NUDCD1: variants seen among roughly 807,000 people sequenced by gnomAD.
NUDCD1 encodes the protein nudC domain-containing protein 1.
A neutral mutation model predicts 67.8 loss-of-function variants in NUDCD1; 60 were observed. The observed-to-expected ratio is 0.88, with a 90% CI of 0.72 to 1.10. NUDCD1 has a LOEUF of 1.10. NUDCD1 is among the 50% of genes least tolerant of loss of function. NUDCD1 has a pLI of 0.00. For missense variants in NUDCD1, 643 were observed against 695.0 expected (o/e 0.93, Z 0.84); for synonymous variants, 244 against 230.8 (o/e 1.06, Z -0.52).
At chr8:109,307,283 T>C (rs967486139) in intron 2 of NUDCD1, among the ~76,000 whole-genome samples, 1 of 152,254 alleles carries the variant, frequency 6.6e-6, no homozygotes, top group Non-Finnish European at 1.5e-5. Flanking sequence ...ATATTCTCTA[T>C]GCCCTTAAGA....
chr8:109,285,544 A>C (rs2130000772), intron 5 of NUDCD1, among the ~76,000 whole-genome samples: 1 of 152,328 alleles, frequency 6.6e-6, no homozygotes, highest in Middle Eastern at 3.4e-3. Flanking sequence ...CTACATAAAC[A>C]GAATTAAAAA....
chr8:109,243,078 T>C lies in NUDCD1; in HGVS notation c.1683A>G (p.Ala561=), dbSNP rs1215267608. The change falls in exon 10 of 10, where the codon GCA becomes GCG. Residue 561 remains alanine (A), a synonymous_variant. Coordinates refer to ENST00000239690, the MANE Select transcript of NUDCD1 (RefSeq NM_032869.4). ...ETNDPILGFQ[A]TNERLFVLTT... is the part of the protein sequence containing the mutation. ...TAAGAACAAATAATCTCTCATTTGT[T>C]GCCTGAAATCCTAAAATAGGATCAT... 8.7e-6 allele frequency: 14 copies of C among 1,612,348 alleles called. No homozygotes were observed. The highest frequency in any genetic ancestry group is 1.2e-5 in the Non-Finnish European group (14 of 1,178,414).
chr8:109,263,517 G>A lies in NUDCD1; in HGVS notation c.1299+7488C>T, dbSNP rs138996225. 1.2e-3 allele frequency among the ~76,000 whole-genome samples: 180 copies of A among 152,314 alleles called. 1 individual carries two copies. Among genetic ancestry groups the A allele is most frequent in the African/African-American group, 4.1e-3 (169 of 41,578 alleles). ...AAAGACTCCAATCCAGTAATTTCCT[G>A]TCTCCTACCAGAATCCATTAAACTG... On this transcript the variant is annotated intron_variant, in intron 8 of 9. Coordinates refer to ENST00000239690, the MANE Select transcript of NUDCD1 (RefSeq NM_032869.4).
rs1181912276 is a variant in NUDCD1, at chr8:109,242,693, A to C, written c.*316T>G. On this transcript the variant is annotated 3_prime_UTR_variant, in exon 10 of 10. Transcript: ENST00000239690. ...AACAGAGTACACAATAAATATTTTT[A>C]TTTTTAAACACTGAATTGTACATCT... The C allele has an allele frequency of 5.3e-6, 1 of 187,582 alleles. No homozygotes were observed. Among genetic ancestry groups the C allele is most frequent in the Non-Finnish European group, 1.1e-5 (1 of 89,290 alleles). The allele number at this position is 187,582 out of a possible 1,614,324, so 11.6% of individuals were successfully genotyped here. A position where few individuals can be genotyped will look rare whatever the true frequency, so the allele number is the denominator to read the frequency against.
Position 109,271,077 on chromosome 8 carries a change from T to G in NUDCD1, c.1227A>C (p.Glu409Asp). Residue 409 changes from glutamate to aspartate, a missense_variant, in exon 8 of 10, where the codon GAA (glutamate) becomes GAC (aspartate). Physicochemically the swap from Glu to Asp is conservative, Grantham distance 45. Coordinates refer to ENST00000239690, the MANE Select transcript of NUDCD1 (RefSeq NM_032869.4). ...AGCTCTCTTCAAAGAAAATATCACA[T>G]TCTTCTAACTCTTGAGCATTGCAAG... Reference protein sequence around the residue: ...KPPCNAQELEECDIFFEESSS... With the variant: ...KPPCNAQELEDCDIFFEESSS... The G allele has an allele frequency of 2.5e-6, 4 of 1,594,700 alleles. No homozygotes were observed. Among genetic ancestry groups the G allele is most frequent in the Non-Finnish European group, 3.4e-6 (4 of 1,164,806 alleles).
intron 7 of NUDCD1, among the ~76,000 whole-genome samples, chr8:109,272,649 A>T (rs969742845): frequency 6.6e-6 from 1 of 152,194 alleles, no homozygotes; most frequent in Non-Finnish European, 1.5e-5. Flanking sequence ...TAGTTTGCTA[A>T]GATACAGAGA....
At chr8:109,279,660 G>A (rs112948394) in intron 6 of NUDCD1, among the ~76,000 whole-genome samples, 3 of 150,930 alleles carry the variant, frequency 2.0e-5, no homozygotes, top group Non-Finnish European at 4.4e-5. Flanking sequence ...TTTTTGAGAC[G>A]TAGTTTCACT....
chr8:109,322,411 A>G lies in NUDCD1; in HGVS notation c.171T>C (p.His57=). ...RDDQYTLEHM[H]AFGMYNYLHC... ...GCAGGTAATTATACATTCCAAAAGC[A>G]TGCATGTGTTCCAGTGTATATTGAT... Residue 57 remains histidine (H), a synonymous_variant, in exon 2 of 10, where the codon CAT becomes CAC. Coordinates refer to ENST00000239690, the MANE Select transcript of NUDCD1 (RefSeq NM_032869.4). 6.2e-7 allele frequency: 1 copy of G among 1,607,240 alleles called. No homozygotes were observed.
intron 1 of NUDCD1, among the ~76,000 whole-genome samples, chr8:109,323,558 G>T (rs1447073119): frequency 6.6e-6 from 1 of 151,634 alleles, no homozygotes; most frequent in Admixed American, 6.6e-5. Flanking sequence ...ATAATCACTG[G>T]GTACCATGAG....
intron 9 of NUDCD1, among the ~76,000 whole-genome samples, chr8:109,244,746 G>A (rs1406187327): frequency 3.3e-5 from 5 of 152,078 alleles, no homozygotes; most frequent in African/African-American, 9.7e-5. Flanking sequence ...GATTGCATAC[G>A]TCTATAATTA....
At chr8:109,258,167 C>A (rs1446637721) in intron 8 of NUDCD1, among the ~76,000 whole-genome samples, 2 of 152,076 alleles carry the variant, frequency 1.3e-5, no homozygotes, top group Non-Finnish European at 2.9e-5. Context: ...TTTATTATTT[C>A]ATATGCAGCC....
chr8:109,330,034 A>G, intron 1 of NUDCD1: 2 of 621,642 alleles, frequency 3.2e-6, no homozygotes, highest in Non-Finnish European at 4.7e-6. Context: ...ACATGAAAGA[A>G]TGAAGTATGA....
At chr8:109,291,842 C>T (rs998977683) in intron 4 of NUDCD1, among the ~76,000 whole-genome samples, 5 of 151,960 alleles carry the variant, frequency 3.3e-5, no homozygotes, top group African/African-American at 1.2e-4. Flanking sequence ...TGATGAGTTA[C>T]CACAGATTGA....
rs5893951 is a variant in NUDCD1, at chr8:109,312,298, CAAAAAAA to C, written c.273+10004_273+10010del. The stretch of plus-strand genomic sequence containing the variant: ...CCCGGGCAACAGAGCGAGACACTGT[CAAAAAAA>C]AAAAAAAAAAAAAAAGCCCCAAATC... On this transcript the variant is annotated intron_variant, in intron 2 of 9. Coordinates refer to ENST00000239690, the MANE Select transcript of NUDCD1 (RefSeq NM_032869.4). 6.1e-5 allele frequency among the ~76,000 whole-genome samples: 5 copies of C among 82,610 alleles called. No individual in the cohort carries two copies. In the Admixed American group the frequency reaches 7.2e-4, roughly 12 times the overall value. 54.2% of individuals were successfully genotyped at this position (82,610 alleles called of 152,430 possible). A position where few individuals can be genotyped will look rare whatever the true frequency, so the allele number is the denominator to read the frequency against.
chr8:109,243,558 A>G (rs542639785), intron 9 of NUDCD1, among the ~76,000 whole-genome samples: 2 of 152,304 alleles, frequency 1.3e-5, no homozygotes, highest in East Asian at 3.9e-4. Context: ...AGCGTAATAT[A>G]GCTTCATTTA....
At chr8:109,243,564 A>G (rs1191091561) in intron 9 of NUDCD1, among the ~76,000 whole-genome samples, 2 of 152,212 alleles carry the variant, frequency 1.3e-5, no homozygotes, top group Non-Finnish European at 2.9e-5. Flanking sequence ...ATATAGCTTC[A>G]TTTAATTTCC....
intron 8 of NUDCD1, among the ~76,000 whole-genome samples, chr8:109,261,349 A>T (rs557901090): frequency 6.6e-6 from 1 of 152,174 alleles, no homozygotes; most frequent in South Asian, 2.1e-4. Flanking sequence ...TCCACACTAG[A>T]ATGAATAAAT....
intron 1 of NUDCD1, among the ~76,000 whole-genome samples, chr8:109,329,322 A>G (rs2130154935): frequency 6.6e-6 from 1 of 152,290 alleles, no homozygotes; most frequent in Non-Finnish European, 1.5e-5. Flanking sequence ...TAGCCAAAAT[A>G]TTGCCATTGA....
At chr8:109,295,032 G>C (rs887452667) in intron 3 of NUDCD1, among the ~76,000 whole-genome samples, 1 of 151,984 alleles carries the variant, frequency 6.6e-6, no homozygotes, top group African/African-American at 2.4e-5. Flanking sequence ...TCTCTGAAGG[G>C]AGCTTATTTC....
Sources: gnomAD v4.1 joint callset for allele counts (sites outside exome capture counted in the v4.1 genomes callset) on GRCh38, gnomAD v4.1.1 for gene constraint, MANE v1.5 for transcripts, NCBI Gene and HGNC (gene_info 2026-07-23, HGNC 2026-07-21) for gene names.